Variants in TSTD2 observed in about 807,000 individuals in gnomAD.
TSTD2 encodes the protein thiosulfate sulfurtransferase/rhodanese-like domain-containing protein 2.
Under a neutral mutation model 47.9 loss-of-function variants are expected in TSTD2, and 37 were observed. The ratio of observed to expected loss-of-function variants is 0.77; its 90% CI spans 0.59 to 1.02. The LOEUF (loss-of-function observed/expected upper bound fraction) is 1.02, where lower values mean the gene tolerates loss of function less well. Among genes scored for constraint, TSTD2 ranks in the 50% least tolerant of loss-of-function variants. The pLI, the probability that TSTD2 is intolerant of heterozygous loss-of-function variation, is 0.00. For synonymous variants in TSTD2, 201 were observed against 215.9 expected, an observed-to-expected ratio of 0.93 and a Z score of 0.61; for missense variants, 586 against 616.0, an observed-to-expected ratio of 0.95 and a Z score of 0.52.
In TSTD2 at chr9:97,611,776, A is replaced by G. The variant is rs547162117; in HGVS notation, c.604-77T>C. 21 of 1,439,866 alleles carry G rather than the reference A, an allele frequency of 1.5e-5. No individual in the cohort carries two copies. The African/African-American group carries it at 2.9e-4, about 20-fold the overall frequency. 89.2% of individuals were successfully genotyped at this position (1,439,866 alleles called of 1,614,324 possible). ...CTTTCCAGGGAAGAACAATAGGCTC[A>G]TGTGTGTCAATGAGTTTAACAGGAA... On this transcript the variant is annotated intron_variant, in intron 4 of 9. Transcript: ENST00000341170.
chr9:97,608,829 T>C (rs1826410698), intron 6 of TSTD2, among the ~76,000 whole-genome samples: 1 of 152,234 alleles, frequency 6.6e-6, no homozygotes, highest in African/African-American at 2.4e-5. Flanking sequence ...CATGAGTCTC[T>C]TTCCCAGATG....
chr9:97,604,085 T>C (rs1174048347), intron 9 of TSTD2: 1 of 152,282 alleles, frequency 6.6e-6, no homozygotes, highest in African/African-American at 2.4e-5. Context: ...TCAAAATCTG[T>C]AATATATAAT....
intron 3 of TSTD2, among the ~76,000 whole-genome samples, chr9:97,621,343 G>C (rs2070412246): frequency 1.3e-5 from 2 of 151,826 alleles, no homozygotes; most frequent in Admixed American, 1.3e-4. Flanking sequence ...TGTGTTAATT[G>C]CACAAACTGT....
rs369109021 is a variant in TSTD2 at position 97,614,940 on chromosome 9, T to C, written c.603+2817A>G. ...GGCTACTGTCCCCACTACCAACTTA[T>C]AGTGGACTACATAGAAAAATAGAGC... On this transcript the variant is annotated intron_variant, in intron 4 of 9. Transcript: ENST00000341170. Among the ~76,000 whole-genome samples, 82 of 152,282 alleles carry C rather than the reference T, an allele frequency of 5.4e-4. No individual in the cohort carries two copies. In the East Asian group the frequency reaches 0.011, roughly 20 times the overall value.
intron 2 of TSTD2, 147 bp downstream of exon 2, chr9:97,627,251 C>G (rs1826737196): frequency 7.3e-7 from 1 of 1,360,756 alleles, no homozygotes; most frequent in South Asian, 1.8e-5. Flanking sequence ...CTATGATTAC[C>G]CTTTGCCTGG....
rs1401839118 is a variant in TSTD2 at position 97,601,780 on chromosome 9, TG to T, written c.*688del. 5.8e-6 allele frequency: 1 copy of T among 173,912 alleles called. No homozygotes were observed. Among genetic ancestry groups the T allele is most frequent in the Non-Finnish European group, 1.1e-5 (1 of 87,894 alleles). The allele number at this position is 173,912 out of a possible 1,614,324, so 10.8% of individuals were successfully genotyped here. On this transcript the variant is annotated 3_prime_UTR_variant, in exon 10 of 10. Coordinates refer to ENST00000341170, the MANE Select transcript of TSTD2 (RefSeq NM_139246.5). The stretch of plus-strand genomic sequence containing the variant: ...TGAACTGCATGGCTGCACTTATATA[TG>T]GATTTTTTTCAACCATACAGGTTGA...
At chr9:97,604,421 T>G in intron 9 of TSTD2, 1 of 255,976 alleles carries the variant, frequency 3.9e-6, no homozygotes, top group Non-Finnish European at 7.3e-6. Context: ...GAGCCCTGAA[T>G]TAGCCCAGTA....
chr9:97,606,284 A>G lies in TSTD2; in HGVS notation c.836-23T>C, dbSNP rs751040525. On this transcript the variant is annotated intron_variant, in intron 6 of 9. Transcript: ENST00000341170. ...TTCCTAAAACCAAACCAAAAAAATT[A>G]TATTAAAACAAAGACAAAAAAACCA... 1.2e-5 allele frequency: 17 copies of G among 1,466,856 alleles called. No individual in the cohort carries two copies. The East Asian group carries it at 3.9e-4, about 33-fold the overall frequency. 90.9% of individuals were successfully genotyped at this position (1,466,856 alleles called of 1,614,324 possible). A position where few individuals can be genotyped will look rare whatever the true frequency, so the allele number is the denominator to read the frequency against.
intron 3 of TSTD2, among the ~76,000 whole-genome samples, chr9:97,620,285 T>C (rs979374059): frequency 6.6e-6 from 1 of 152,188 alleles, no homozygotes; most frequent in Non-Finnish European, 1.5e-5. Flanking sequence ...CCATGTAAGA[T>C]GTGACTTGCT....
Position 97,602,467 on chromosome 9 carries a change from G to A in TSTD2, c.*2C>T, listed in dbSNP as rs376138156. ...GGCCTGGGAAAATGCCAAAGGTGCT[G>A]CTCACATAAGCACTGGCCCATCCTC... On this transcript the variant is annotated 3_prime_UTR_variant, in exon 10 of 10. Coordinates refer to ENST00000341170, the MANE Select transcript of TSTD2 (RefSeq NM_139246.5). 5.0e-5 allele frequency: 79 copies of A among 1,591,486 alleles called. No homozygotes were observed. The highest frequency in any genetic ancestry group is 6.5e-5 in the Non-Finnish European group (76 of 1,166,112).
chr9:97,600,730 G>C lies in TSTD2; in HGVS notation c.*1739C>G. 1 of 1,007,926 alleles carries C rather than the reference G, an allele frequency of 9.9e-7. No homozygotes were observed. Among genetic ancestry groups the C allele is most frequent in the African/African-American group, 1.7e-5 (1 of 57,684 alleles). 62.4% of individuals were successfully genotyped at this position (1,007,926 alleles called of 1,614,324 possible). A position where few individuals can be genotyped will look rare whatever the true frequency, so the allele number is the denominator to read the frequency against. ...GCCGGACAATGGTGAAGAAACTCCAGATATCAAGGAATTGGGAAATCCTGG... is the reference window on the plus strand; with the variant it reads ...GCCGGACAATGGTGAAGAAACTCCACATATCAAGGAATTGGGAAATCCTGG... On this transcript the variant is annotated 3_prime_UTR_variant, in exon 10 of 10. Coordinates refer to ENST00000341170, the MANE Select transcript of TSTD2 (RefSeq NM_139246.5).
intron 3 of TSTD2, 116 bp downstream of exon 3, chr9:97,625,565 A>T: frequency 2.0e-6 from 2 of 984,892 alleles, no homozygotes; most frequent in Non-Finnish European, 3.0e-6. Context: ...TCCTCATTTC[A>T]CATTTGACAC....
At chr9:97,621,053 T>A (rs565911731) in intron 3 of TSTD2, among the ~76,000 whole-genome samples, 1 of 152,258 alleles carries the variant, frequency 6.6e-6, no homozygotes, top group East Asian at 1.9e-4. Context: ...TGCCTTGTTG[T>A]GGGAAGTCAG....
chr9:97,617,701 A>G, intron 4 of TSTD2, 56 bp downstream of exon 4: 4 of 1,557,922 alleles, frequency 2.6e-6, no homozygotes, highest in Non-Finnish European at 3.5e-6. Flanking sequence ...TTTGCAATCC[A>G]AGGTTGGCAG....
In TSTD2 at chr9:97,625,486, A is replaced by G. The variant is rs75033014; in HGVS notation, c.482+195T>C. ...ATGCATGTTTAAGAAATTGCCGAAC[A>G]CTTTTCCAAAGTGGTTGTGCCATAT... On this transcript the variant is annotated intron_variant, in intron 3 of 9. Coordinates refer to ENST00000341170, the MANE Select transcript of TSTD2 (RefSeq NM_139246.5). 3.9e-3 allele frequency among the ~76,000 whole-genome samples: 589 copies of G among 152,300 alleles called. 1 individual carries two copies. Among genetic ancestry groups the G allele is most frequent in the East Asian group, 0.026 (136 of 5,180 alleles).
chr9:97,602,143 GACT>G lies in TSTD2; in HGVS notation c.*323_*325del. On this transcript the variant is annotated 3_prime_UTR_variant, in exon 10 of 10. Transcript: ENST00000341170. ...TAGAAGGTCTGCTGACAAGGGCAAT[GACT>G]ACTAACAGCCCCAGCTGCATGGAAC... is the stretch of plus-strand genomic sequence containing the variant. The G allele has an allele frequency of 4.1e-6, 1 of 241,484 alleles. No individual in the cohort carries two copies. Among genetic ancestry groups the G allele is most frequent in the Non-Finnish European group, 7.9e-6 (1 of 126,988 alleles). 15.0% of individuals were successfully genotyped at this position (241,484 alleles called of 1,614,324 possible).
chr9:97,617,528 T>C (rs556171440), intron 4 of TSTD2, among the ~76,000 whole-genome samples: 1 of 152,352 alleles, frequency 6.6e-6, no homozygotes, highest in East Asian at 1.9e-4. Context: ...TTATCTACTA[T>C]CTGGTTCTTC....
intron 7 of TSTD2, among the ~76,000 whole-genome samples, 195 bp from the exon 8 acceptor site, chr9:97,605,836 G>A (rs1333895872): frequency 1.3e-5 from 2 of 152,172 alleles, no homozygotes; most frequent in Non-Finnish European, 2.9e-5. Flanking sequence ...ACCTTCCCAG[G>A]GTCCTCAGGG....
intron 7 of TSTD2, 92 bp downstream of exon 7, chr9:97,606,050 TG>T: frequency 2.1e-6 from 2 of 932,410 alleles, no homozygotes; most frequent in Non-Finnish European, 3.4e-6. Context: ...TGGCCACAGG[TG>T]GGCACACACA....
Sources: allele counts gnomAD v4.1 joint callset (sites outside exome capture counted in the v4.1 genomes callset), GRCh38; gene constraint gnomAD v4.1.1; transcripts MANE v1.5; gene names NCBI Gene and HGNC (gene_info 2026-07-23, HGNC 2026-07-21).